Variants in ARID4B observed in about 807,000 individuals in gnomAD.
The protein encoded by ARID4B is AT-rich interaction domain 4B.
A neutral mutation model predicts 147.5 loss-of-function variants in ARID4B; 26 were observed. The ratio of observed to expected loss-of-function variants is 0.18; its 90% CI spans 0.13 to 0.24. The LOEUF (loss-of-function observed/expected upper bound fraction) is 0.24, where lower values mean the gene tolerates loss of function less well. Among genes scored for constraint, ARID4B ranks in the 10% least tolerant of loss-of-function variants. The pLI is 1.00. For synonymous variants in ARID4B, 512 were observed against 507.9 expected (o/e 1.01, Z -0.11); for missense variants, 1,179 against 1,511.5 (o/e 0.78, Z 3.65).
chr1:235,301,306 G>A (rs552158501), intron 2 of ARID4B, among the ~76,000 whole-genome samples: 24 of 151,790 alleles, frequency 1.6e-4, no homozygotes, highest in African/African-American at 5.5e-4. Context: ...GGGAGGCCAA[G>A]GCGGGAGAAT....
At chr1:235,238,525 T>C (rs899685763) in intron 8 of ARID4B, among the ~76,000 whole-genome samples, 3 of 152,198 alleles carry the variant, frequency 2.0e-5, no homozygotes, top group Admixed American at 6.5e-5. Context: ...CTTCAGTTTA[T>C]AGCTTATTAA....
At chr1:235,205,698 C>G (rs1300755989) in intron 17 of ARID4B, among the ~76,000 whole-genome samples, 1 of 151,970 alleles carries the variant, frequency 6.6e-6, no homozygotes, top group East Asian at 1.9e-4. Context: ...CTGACCAATT[C>G]AAAAATGGCA....
intron 11 of ARID4B, among the ~76,000 whole-genome samples, chr1:235,226,289 C>T (rs1385695741): frequency 2.6e-5 from 4 of 152,062 alleles, no homozygotes; most frequent in East Asian, 1.9e-4. Context: ...CTTACAAATT[C>T]GTGGGGAAGA....
chr1:235,218,826 C>T (rs1181073780), intron 16 of ARID4B, among the ~76,000 whole-genome samples: 4 of 150,710 alleles, frequency 2.7e-5, no homozygotes, highest in Non-Finnish European at 4.4e-5. Flanking sequence ...CTTCCCTGTT[C>T]GTCTGCATAC....
At chr1:235,263,092 A>G (rs1241961396) in intron 2 of ARID4B, among the ~76,000 whole-genome samples, 1 of 152,212 alleles carries the variant, frequency 6.6e-6, no homozygotes, top group Non-Finnish European at 1.5e-5. Context: ...CCACAGGCTC[A>G]TAACTTTCCA....
intron 18 of ARID4B, among the ~76,000 whole-genome samples, chr1:235,194,929 G>C (rs968766347): frequency 1.3e-5 from 2 of 152,078 alleles, no homozygotes; most frequent in African/African-American, 4.8e-5. Context: ...TCAAGTCAGG[G>C]GCAACCTTCC....
At chr1:235,179,701 ATCC>A (rs946096540) in intron 20 of ARID4B, among the ~76,000 whole-genome samples, 5 of 146,814 alleles carry the variant, frequency 3.4e-5, no homozygotes, top group African/African-American at 5.2e-5. Context: ...CAGAGAAGAT[ATCC>A]TCTTTTTTTT....
At chr1:235,284,646 G>T (rs914474317) in intron 2 of ARID4B, among the ~76,000 whole-genome samples, 1 of 152,054 alleles carries the variant, frequency 6.6e-6, no homozygotes, top group Non-Finnish European at 1.5e-5. Flanking sequence ...AACATAACAA[G>T]ATACCATCTC....
At chr1:235,249,082 C>T (rs10925227) in intron 6 of ARID4B, among the ~76,000 whole-genome samples, 5,903 of 152,228 alleles carry the variant, frequency 0.039, 427 homozygotes, top group African/African-American at 0.14. Context: ...CCTGTAATCC[C>T]AGCACTTTGG....
intron 2 of ARID4B, among the ~76,000 whole-genome samples, chr1:235,280,836 G>A (rs987076981): frequency 6.6e-6 from 1 of 152,156 alleles, no homozygotes; most frequent in African/African-American, 2.4e-5. Context: ...CCATGGTTTC[G>A]GAAGGATAAT....
chr1:235,220,516 C>T lies in ARID4B; in HGVS notation c.1193G>A (p.Arg398Lys). The T allele has an allele frequency of 6.2e-7, 1 of 1,610,930 alleles. No homozygotes were observed. The highest frequency in any genetic ancestry group is 1.3e-5 in the African/African-American group (1 of 74,880). The stretch of plus-strand genomic sequence containing the variant: ...CATCTGAAATTCAATGTTGGCTGAT[C>T]TACAGTACTCCTCAAAACCATATAA... ...KYLYGFEEYCRSANIEFQMAL... is the reference protein window; with the variant it reads ...KYLYGFEEYCKSANIEFQMAL... The change falls in exon 15 of 24, where the codon AGA (arginine) becomes AAA (lysine). Residue 398 changes from arginine to lysine, a missense_variant. Physicochemically the swap from Arg to Lys is conservative, Grantham distance 26. Transcript: ENST00000264183.
intron 8 of ARID4B, among the ~76,000 whole-genome samples, chr1:235,239,029 C>A (rs1467405805): frequency 4.7e-5 from 7 of 149,422 alleles, no homozygotes; most frequent in Admixed American, 1.3e-4. Flanking sequence ...GTCGCCCACA[C>A]TGGAGTGCAG....
intron 12 of ARID4B, among the ~76,000 whole-genome samples, 160 bp downstream of exon 12, chr1:235,224,543 G>A (rs1001677159): frequency 1.3e-5 from 2 of 152,146 alleles, no homozygotes; most frequent in Non-Finnish European, 2.9e-5. Flanking sequence ...TACTTGTTAC[G>A]TGACAGGCGC....
intron 2 of ARID4B, among the ~76,000 whole-genome samples, chr1:235,323,596 C>G (rs1168344819): frequency 6.6e-6 from 1 of 151,900 alleles, no homozygotes; most frequent in Non-Finnish European, 1.5e-5. Flanking sequence ...ACCAGCCTGA[C>G]CAATATGGAG....
At chr1:235,240,292 T>C (rs761015861) in intron 8 of ARID4B, 21 bp downstream of exon 8, 1 of 1,596,092 alleles carries the variant, frequency 6.3e-7, no homozygotes, top group South Asian at 1.1e-5. Context: ...AATTAAACTC[T>C]TGTATACTGA....
chr1:235,217,246 C>T (rs1667151838), intron 16 of ARID4B, among the ~76,000 whole-genome samples: 1 of 152,056 alleles, frequency 6.6e-6, no homozygotes, highest in Non-Finnish European at 1.5e-5. Flanking sequence ...TGGCAATCAA[C>T]CAAAGAAAAC....
intron 2 of ARID4B, among the ~76,000 whole-genome samples, chr1:235,318,723 A>C (rs1674614359): frequency 6.6e-6 from 1 of 152,062 alleles, no homozygotes. Context: ...ACTACAAAAA[A>C]TTCCAAAATT....
rs1674075251 is a variant in ARID4B at position 235,311,836 on chromosome 1, C to T, written c.6+15078G>A. On this transcript the variant is annotated intron_variant, in intron 2 of 23. Coordinates refer to ENST00000264183, the MANE Select transcript of ARID4B (RefSeq NM_016374.6). ...AACAGTACCTACTGAATACTAAGCACTGCTACATACCTGCAAAACTTAAAG... is the reference window on the plus strand; with the variant it reads ...AACAGTACCTACTGAATACTAAGCATTGCTACATACCTGCAAAACTTAAAG... 2.6e-5 allele frequency among the ~76,000 whole-genome samples: 4 copies of T among 152,120 alleles called. No homozygotes were observed. In the South Asian group the frequency reaches 8.3e-4, roughly 31 times the overall value.
intron 2 of ARID4B, among the ~76,000 whole-genome samples, chr1:235,262,073 T>C (rs1425236174): frequency 6.6e-6 from 1 of 152,214 alleles, no homozygotes; most frequent in African/African-American, 2.4e-5. Flanking sequence ...GAACCCTTTC[T>C]TTTCTATTGA....
Sources: allele counts gnomAD v4.1 joint callset (sites outside exome capture counted in the v4.1 genomes callset), GRCh38; gene constraint gnomAD v4.1.1; transcripts MANE v1.5; gene names NCBI Gene and HGNC (gene_info 2026-07-23, HGNC 2026-07-21).